The following KCNN2 variants were observed in gnomAD, a reference collection of about 807,000 sequenced individuals.
KCNN2 encodes potassium calcium-activated channel subfamily N member 2.
KCNN2 carries 24 observed loss-of-function variants against 55.5 expected under a neutral mutation model. The ratio of observed to expected loss-of-function variants is 0.43; its 90% CI spans 0.31 to 0.61. The LOEUF is 0.61. Ranked by LOEUF, KCNN2 falls within the 20% of genes least tolerant of loss-of-function variation. The pLI is 0.08. For missense variants in KCNN2, 754 were observed against 853.6 expected (o/e 0.88, Z 1.45); for synonymous variants, 431 against 336.1 (o/e 1.28, Z -3.09).
chr5:114,200,419 G>A (rs1753650784), intron 1 of KCNN2, among the ~76,000 whole-genome samples: 1 of 151,278 alleles, frequency 6.6e-6, no homozygotes, highest in East Asian at 1.9e-4. Flanking sequence ...ATCCTGGATT[G>A]ATTTTCCTAA....
intron 3 of KCNN2, among the ~76,000 whole-genome samples, chr5:114,462,758 G>A (rs1761266774): frequency 6.6e-6 from 1 of 152,156 alleles, no homozygotes; most frequent in South Asian, 2.1e-4. Flanking sequence ...ACACGGGCAG[G>A]GGCCGGAGGA....
Position 114,496,269 on chromosome 5 carries a change from A to G in KCNN2, c.*87A>G. The G allele has an allele frequency of 7.2e-7, 1 of 1,396,668 alleles. No homozygotes were observed. Among genetic ancestry groups the G allele is most frequent in the Non-Finnish European group, 9.8e-7 (1 of 1,025,210 alleles). 86.5% of individuals were successfully genotyped at this position (1,396,668 alleles called of 1,614,324 possible). A position where few individuals can be genotyped will look rare whatever the true frequency, so the allele number is the denominator to read the frequency against. ...TTATTGTAAAGCCCCTATGGTTCTAATCAGCGTTATCCGGGTTCTGATGTC... is the reference window on the plus strand; with the variant it reads ...TTATTGTAAAGCCCCTATGGTTCTAGTCAGCGTTATCCGGGTTCTGATGTC... On this transcript the variant is annotated 3_prime_UTR_variant, in exon 8 of 8. Transcript: ENST00000673685.
intron 2 of KCNN2, among the ~76,000 whole-genome samples, chr5:114,366,077 C>T (rs951391153): frequency 1.2e-4 from 18 of 152,098 alleles, no homozygotes; most frequent in Non-Finnish European, 1.3e-4. Flanking sequence ...CATATTAGAA[C>T]GCTTAAAATT....
Position 114,232,096 on chromosome 5 carries a change from G to C in KCNN2, c.-185+10531G>C, listed in dbSNP as rs1028581086. Among the ~76,000 whole-genome samples, 4 of 151,016 alleles carry C rather than the reference G, an allele frequency of 2.6e-5. 1 individual carries two copies. The highest frequency in any genetic ancestry group is 9.9e-5 in the African/African-American group (4 of 40,388). The stretch of plus-strand genomic sequence containing the variant: ...TTGCAAAAATTATGGGAATCCCAGT[G>C]TCCCTGTCCCACTGTTTGGGCCTGA... On this transcript the variant is annotated intron_variant, in intron 2 of 10. Coordinates refer to the KCNN2 transcript ENST00000512097.
upstream of KCNN2, among the ~76,000 whole-genome samples, chr5:114,359,628 T>G (rs1395467931): frequency 3.3e-5 from 5 of 152,212 alleles, no homozygotes; most frequent in African/African-American, 1.2e-4. Context: ...TTATGATATT[T>G]CAGGGGTGGA....
intron 1 of KCNN2, among the ~76,000 whole-genome samples, chr5:114,191,538 A>T (rs115369993): frequency 6.6e-6 from 1 of 152,168 alleles, no homozygotes; most frequent in African/African-American, 2.4e-5. Flanking sequence ...GTAATAAAAA[A>T]ATTATAATTT....
intron 2 of KCNN2, among the ~76,000 whole-genome samples, chr5:114,331,517 GTGT>G (rs5870600): frequency 0.042 from 6,331 of 152,240 alleles, 448 homozygotes; most frequent in African/African-American, 0.14. Flanking sequence ...AGAATTTGTA[GTGT>G]TAAGGGGATG....
chr5:114,365,749 A>G (rs1757581305), intron 2 of KCNN2, among the ~76,000 whole-genome samples: 1 of 152,240 alleles, frequency 6.6e-6, no homozygotes, highest in Non-Finnish European at 1.5e-5. Flanking sequence ...GATCATTCCA[A>G]AATGTTCTTA....
At chr5:114,388,461 C>T (rs1360196603) in intron 2 of KCNN2, among the ~76,000 whole-genome samples, 1 of 152,142 alleles carries the variant, frequency 6.6e-6, no homozygotes, top group Non-Finnish European at 1.5e-5. Context: ...TCCCTTCCTC[C>T]TTCCATCATA....
At chr5:114,122,785 G>T (rs1180219983) in intron 1 of KCNN2, among the ~76,000 whole-genome samples, 2 of 152,208 alleles carry the variant, frequency 1.3e-5, no homozygotes, top group Admixed American at 6.5e-5. Flanking sequence ...GAGAGAGCAG[G>T]AGACACCTGG....
intron 2 of KCNN2, among the ~76,000 whole-genome samples, chr5:114,375,975 T>TATATATATATATATATATATA (rs1757921347): frequency 6.9e-6 from 1 of 145,902 alleles, no homozygotes; most frequent in East Asian, 2.1e-4. Context: ...TATATATATA[T>TATATATATATATATATATATA]ATGTATTTTT....
intron 1 of KCNN2, among the ~76,000 whole-genome samples, chr5:114,071,332 C>T (rs1420354987): frequency 1.3e-5 from 2 of 152,162 alleles, no homozygotes; most frequent in African/African-American, 4.8e-5. Context: ...GCCTTCAACT[C>T]CTAACCCTTG....
intron 1 of KCNN2, among the ~76,000 whole-genome samples, chr5:114,187,331 A>G (rs980872880): frequency 7.9e-5 from 12 of 152,104 alleles, no homozygotes; most frequent in African/African-American, 2.9e-4. Context: ...GTGGAAAACA[A>G]TAGATGTTCT....
chr5:114,134,771 A>G (rs1190718242), intron 1 of KCNN2, among the ~76,000 whole-genome samples: 1 of 152,134 alleles, frequency 6.6e-6, no homozygotes, highest in African/African-American at 2.4e-5. Flanking sequence ...CACCGCACCC[A>G]GCCCAGCCGT....
intron 3 of KCNN2, among the ~76,000 whole-genome samples, chr5:114,441,460 A>C (rs1386965678): frequency 1.3e-5 from 2 of 152,200 alleles, no homozygotes; most frequent in Non-Finnish European, 2.9e-5. Flanking sequence ...TCATAGAATT[A>C]GCATCAATGT....
At chr5:114,415,097 C>G (rs571587374) in intron 3 of KCNN2, among the ~76,000 whole-genome samples, 8 of 152,260 alleles carry the variant, frequency 5.3e-5, no homozygotes, top group African/African-American at 1.9e-4. Context: ...TACATCCAGT[C>G]TTTTTTACTT....
chr5:114,080,843 A>G (rs1166944096), intron 1 of KCNN2, among the ~76,000 whole-genome samples: 2 of 152,166 alleles, frequency 1.3e-5, no homozygotes, highest in South Asian at 2.1e-4. Flanking sequence ...CCATTAGGCA[A>G]TAAGAAGAAA....
chr5:114,057,965 G>A (rs10044949), intron 1 of KCNN2, among the ~76,000 whole-genome samples: 18,181 of 152,246 alleles, frequency 0.12, 1,284 homozygotes, highest in Non-Finnish European at 0.16. Context: ...AGTATGAATC[G>A]TACAATGACT....
chr5:114,434,700 A>T (rs1255293754), intron 3 of KCNN2, among the ~76,000 whole-genome samples: 2 of 152,194 alleles, frequency 1.3e-5, no homozygotes, highest in Non-Finnish European at 2.9e-5. Context: ...TAATAAGTAC[A>T]GGTCCCTGGG....
Sources: allele counts gnomAD v4.1 joint callset (sites outside exome capture counted in the v4.1 genomes callset), GRCh38; gene constraint gnomAD v4.1.1; transcripts MANE v1.5; gene names NCBI Gene and HGNC (gene_info 2026-07-23, HGNC 2026-07-21).